The following FCHSD2 variants were observed in gnomAD, a reference collection of about 807,000 sequenced individuals.
FCHSD2 encodes F-BAR and double SH3 domains protein 2.
FCHSD2 carries 38 observed loss-of-function variants against 108.1 expected under a neutral mutation model. That is an observed-to-expected ratio of 0.35 (90% CI 0.27 to 0.46). The LOEUF is 0.46. FCHSD2 is among the 20% of genes least tolerant of loss of function. The pLI is 1.00. For missense variants in FCHSD2, 751 were observed against 897.8 expected, an observed-to-expected ratio of 0.84 and a Z score of 2.09; for synonymous variants, 279 against 314.7, an observed-to-expected ratio of 0.89 and a Z score of 1.20.
intron 9 of FCHSD2, 106 bp from the exon 10 acceptor site, chr11:72,902,744 C>G: frequency 1.6e-6 from 1 of 634,480 alleles, no homozygotes; most frequent in Non-Finnish European, 2.6e-6. Context: ...AATGAGAAAT[C>G]ATCCAACACT....
chr11:72,877,400 T>C (rs1444755843), intron 12 of FCHSD2, among the ~76,000 whole-genome samples: 1 of 152,132 alleles, frequency 6.6e-6, no homozygotes, highest in Non-Finnish European at 1.5e-5. Context: ...ATAATGGAAA[T>C]ATCACTAAGT....
chr11:73,057,106 T>G (rs543908213), intron 3 of FCHSD2, among the ~76,000 whole-genome samples: 1 of 151,768 alleles, frequency 6.6e-6, no homozygotes, highest in Admixed American at 6.6e-5. Context: ...TAAAATAAAA[T>G]AAATAAATAA....
In FCHSD2 at chr11:73,015,482, T is replaced by C. The variant is rs76143439; in HGVS notation, c.242+327A>G. 5.9e-3 allele frequency among the ~76,000 whole-genome samples: 901 copies of C among 152,252 alleles called. 9 individuals are homozygous for C. The highest frequency in any genetic ancestry group is 0.021 in the African/African-American group (863 of 41,534). ...TCTTGTTTCATCACCGTCACAATAA[T>C]GTGTTTCATCATAGGTCACTCAGCA... is the stretch of plus-strand genomic sequence containing the variant. On this transcript the variant is annotated intron_variant, in intron 4 of 19. Transcript: ENST00000409418.
intron 3 of FCHSD2, among the ~76,000 whole-genome samples, chr11:73,055,539 A>G (rs868402660): frequency 2.0e-5 from 3 of 152,226 alleles, no homozygotes; most frequent in South Asian, 2.1e-4. Flanking sequence ...GATAGCAGAA[A>G]GTCATCAAAA....
chr11:72,881,020 AACAG>A (rs1430014238), intron 12 of FCHSD2, among the ~76,000 whole-genome samples: 2 of 152,184 alleles, frequency 1.3e-5, no homozygotes, highest in African/African-American at 2.4e-5. Context: ...CAAAACAAAA[AACAG>A]ACAAATAGGA....
At chr11:73,140,430 C>T (rs1861219135) in intron 1 of FCHSD2, among the ~76,000 whole-genome samples, 1 of 152,172 alleles carries the variant, frequency 6.6e-6, no homozygotes, top group Non-Finnish European at 1.5e-5. Flanking sequence ...TCTAGGTCTT[C>T]CTACAGTTTT....
chr11:72,917,821 GA>G (rs1418916511), intron 9 of FCHSD2, among the ~76,000 whole-genome samples: 11 of 152,190 alleles, frequency 7.2e-5, no homozygotes, highest in African/African-American at 2.4e-4. Context: ...CTGGGAGGTG[GA>G]GGTTGCAGTG....
intron 8 of FCHSD2, among the ~76,000 whole-genome samples, chr11:72,963,247 T>C (rs1265404623): frequency 1.3e-5 from 2 of 152,196 alleles, no homozygotes; most frequent in Non-Finnish European, 1.5e-5. Context: ...TAACATCTTA[T>C]TAATAGCAAT....
intron 3 of FCHSD2, among the ~76,000 whole-genome samples, chr11:73,026,692 C>T (rs947174739): frequency 3.3e-5 from 5 of 151,972 alleles, no homozygotes; most frequent in African/African-American, 1.2e-4. Context: ...GCTCTGTATC[C>T]CCACCCAAAT....
At chr11:73,103,296 C>T (rs1860266082) in intron 2 of FCHSD2, among the ~76,000 whole-genome samples, 1 of 152,056 alleles carries the variant, frequency 6.6e-6, no homozygotes, top group African/African-American at 2.4e-5. Context: ...AGTTGTAAAT[C>T]CCAAATTACA....
intron 3 of FCHSD2, among the ~76,000 whole-genome samples, chr11:73,073,742 G>A (rs1163442869): frequency 6.6e-6 from 1 of 152,086 alleles, no homozygotes; most frequent in South Asian, 2.1e-4. Context: ...TGGCCATAAT[G>A]CCATATAAGT....
intron 13 of FCHSD2, among the ~76,000 whole-genome samples, chr11:72,851,337 C>A (rs956469169): frequency 6.6e-6 from 1 of 152,142 alleles, no homozygotes; most frequent in African/African-American, 2.4e-5. Flanking sequence ...TTTACTGCAA[C>A]ACTGCCTGTA....
At chr11:73,015,089 C>T (rs1857941217) in intron 4 of FCHSD2, among the ~76,000 whole-genome samples, 1 of 152,192 alleles carries the variant, frequency 6.6e-6, no homozygotes, top group African/African-American at 2.4e-5. Context: ...GGTGATCCAC[C>T]TGCCTTGGCC....
At chr11:72,990,515 C>G (rs1591463221) in intron 5 of FCHSD2, among the ~76,000 whole-genome samples, 1 of 152,294 alleles carries the variant, frequency 6.6e-6, no homozygotes, top group East Asian at 1.9e-4. Flanking sequence ...TCTCTCAGAC[C>G]ACAGTGCAAT....
At chr11:72,946,836 T>C (rs531774543) in intron 8 of FCHSD2, among the ~76,000 whole-genome samples, 2 of 152,270 alleles carry the variant, frequency 1.3e-5, no homozygotes, top group African/African-American at 2.4e-5. Flanking sequence ...GTATAATGCC[T>C]AGGGAAATTT....
chr11:73,094,221 A>G (rs1321948594), intron 2 of FCHSD2, among the ~76,000 whole-genome samples: 1 of 151,714 alleles, frequency 6.6e-6, no homozygotes. Flanking sequence ...CCCTGCACCA[A>G]AAAAAAAGAA....
chr11:72,936,741 T>G (rs575320038), intron 8 of FCHSD2, among the ~76,000 whole-genome samples: 1 of 152,350 alleles, frequency 6.6e-6, no homozygotes, highest in Non-Finnish European at 1.5e-5. Flanking sequence ...GTTATTGTAT[T>G]TTTAACTCCA....
At chr11:73,027,109 T>A (rs1486240189) in intron 3 of FCHSD2, among the ~76,000 whole-genome samples, 1 of 152,080 alleles carries the variant, frequency 6.6e-6, no homozygotes, top group Non-Finnish European at 1.5e-5. Context: ...TGGAACTGGG[T>A]AGCAGGCAGA....
At chr11:72,882,260 G>C (rs574969304) in intron 12 of FCHSD2, among the ~76,000 whole-genome samples, 1 of 151,536 alleles carries the variant, frequency 6.6e-6, no homozygotes, top group Non-Finnish European at 1.5e-5. Context: ...GGCCAACATG[G>C]TAAAACCCTG....
Sources: allele counts gnomAD v4.1 joint callset (sites outside exome capture counted in the v4.1 genomes callset), GRCh38; gene constraint gnomAD v4.1.1; transcripts MANE v1.5; gene names NCBI Gene and HGNC (gene_info 2026-07-23, HGNC 2026-07-21).